Variants in CCDC170 observed in about 807,000 individuals in gnomAD.
CCDC170 encodes coiled-coil domain-containing protein 170.
A neutral mutation model predicts 72.6 loss-of-function variants in CCDC170; 69 were observed. The observed-to-expected ratio is 0.95, with a 90% CI of 0.78 to 1.16. The LOEUF (loss-of-function observed/expected upper bound fraction) is 1.16, where lower values mean the gene tolerates loss of function less well. CCDC170 is among the 50% of genes most tolerant of loss of function. CCDC170 has a pLI of 0.00. For synonymous variants in CCDC170, 300 were observed against 303.9 expected, an observed-to-expected ratio of 0.99 and a Z score of 0.13; for missense variants, 852 against 832.5, an observed-to-expected ratio of 1.02 and a Z score of -0.29.
At chr6:151,507,496 C>T (rs1782081830) in intron 1 of CCDC170, among the ~76,000 whole-genome samples, 1 of 151,990 alleles carries the variant, frequency 6.6e-6, no homozygotes, top group African/African-American at 2.4e-5. Flanking sequence ...CTAATGCAGT[C>T]ACAAAAAATT....
At chr6:151,498,085 A>G (rs1160582447) in intron 1 of CCDC170, among the ~76,000 whole-genome samples, 2 of 152,182 alleles carry the variant, frequency 1.3e-5, no homozygotes, top group Non-Finnish European at 2.9e-5. Flanking sequence ...GAGAAGCCAC[A>G]GACATATGGT....
intron 1 of CCDC170, among the ~76,000 whole-genome samples, chr6:151,529,919 A>G (rs993853342): frequency 6.6e-6 from 1 of 151,774 alleles, no homozygotes; most frequent in African/African-American, 2.4e-5. Context: ...GGAAGGGTAG[A>G]AGGGCCAGAA....
chr6:151,503,437 T>A (rs571285791), intron 1 of CCDC170, among the ~76,000 whole-genome samples: 1 of 151,950 alleles, frequency 6.6e-6, no homozygotes, highest in East Asian at 1.9e-4. Flanking sequence ...ATGAGCTTGA[T>A]GTGTTTATTT....
chr6:151,548,214 A>G (rs1244557209), intron 4 of CCDC170, 90 bp from the exon 5 acceptor site: 4 of 1,115,436 alleles, frequency 3.6e-6, no homozygotes, highest in Non-Finnish European at 3.6e-6. Flanking sequence ...CATTTTTCAT[A>G]TGATAATGCA....
At chr6:151,612,195 T>C (rs916009416) in intron 9 of CCDC170, among the ~76,000 whole-genome samples, 2 of 152,192 alleles carry the variant, frequency 1.3e-5, no homozygotes, top group Non-Finnish European at 2.9e-5. Flanking sequence ...TCAGACTTTC[T>C]AGTGGGATAG....
intron 1 of CCDC170, among the ~76,000 whole-genome samples, chr6:151,506,856 A>G (rs1002736969): frequency 2.6e-5 from 4 of 152,182 alleles, no homozygotes; most frequent in South Asian, 2.1e-4. Flanking sequence ...TTTCCCAAGG[A>G]ACAGAGAATT....
chr6:151,591,844 A>G lies in CCDC170; in HGVS notation c.1294-1263A>G, dbSNP rs1776541069. On this transcript the variant is annotated intron_variant, in intron 7 of 10. Transcript: ENST00000239374. ...TTTTCTAAAATATCTTAATTAATAAAAAAGACCCCAAAATGTTGTTCGAAA... is the reference window on the plus strand; with the variant it reads ...TTTTCTAAAATATCTTAATTAATAAGAAAGACCCCAAAATGTTGTTCGAAA... Among the ~76,000 whole-genome samples, 2 of 152,106 alleles carry G rather than the reference A, an allele frequency of 1.3e-5. 1 individual carries two copies. Among genetic ancestry groups the G allele is most frequent in the South Asian group, 4.1e-4 (2 of 4,826 alleles).
intron 3 of CCDC170, 27 bp downstream of exon 3, chr6:151,538,328 C>T: frequency 6.3e-7 from 1 of 1,589,556 alleles, no homozygotes; most frequent in Non-Finnish European, 8.6e-7. Flanking sequence ...ATATTTTTCG[C>T]TTTAGCTAGC....
chr6:151,578,977 A>T (rs1054258140), intron 6 of CCDC170, among the ~76,000 whole-genome samples: 2 of 152,132 alleles, frequency 1.3e-5, no homozygotes, highest in Non-Finnish European at 2.9e-5. Flanking sequence ...TTAGGGCATT[A>T]TGACTTTACT....
intron 9 of CCDC170, among the ~76,000 whole-genome samples, chr6:151,602,594 T>C (rs953314902): frequency 1.3e-5 from 2 of 152,108 alleles, no homozygotes; most frequent in Non-Finnish European, 2.9e-5. Context: ...GTTCTCATGA[T>C]AGTGAGTTCT....
At chr6:151,506,655 C>T (rs1782070761) in intron 1 of CCDC170, among the ~76,000 whole-genome samples, 1 of 152,198 alleles carries the variant, frequency 6.6e-6, no homozygotes, top group Non-Finnish European at 1.5e-5. Flanking sequence ...TAAGACCACA[C>T]TCTTTTGGAA....
chr6:151,604,330 C>T (rs1408896775), intron 9 of CCDC170, among the ~76,000 whole-genome samples: 3 of 152,118 alleles, frequency 2.0e-5, no homozygotes, highest in African/African-American at 7.2e-5. Context: ...TCTGGGACTG[C>T]TTTGAGCTTT....
chr6:151,536,204 A>C, intron 1 of CCDC170, 114 bp from the exon 2 acceptor site: 1 of 1,208,788 alleles, frequency 8.3e-7, no homozygotes, highest in Non-Finnish European at 1.2e-6. Context: ...AGCATGTTTG[A>C]CATATTTGGA....
chr6:151,598,727 G>A (rs528378527), intron 9 of CCDC170, among the ~76,000 whole-genome samples: 3 of 152,312 alleles, frequency 2.0e-5, no homozygotes, highest in Non-Finnish European at 2.9e-5. Flanking sequence ...AGATGGCATT[G>A]TATGAATAAA....
At chr6:151,580,783 A>G (rs1399513815) in intron 6 of CCDC170, among the ~76,000 whole-genome samples, 8 of 152,162 alleles carry the variant, frequency 5.3e-5, no homozygotes, top group Admixed American at 5.2e-4. Flanking sequence ...CTCATGTAGC[A>G]CTTCAATCTG....
At chr6:151,495,928 C>A (rs1781902757) in intron 1 of CCDC170, among the ~76,000 whole-genome samples, 1 of 152,160 alleles carries the variant, frequency 6.6e-6, no homozygotes, top group Admixed American at 6.5e-5. Flanking sequence ...TATACACGAC[C>A]TACTAAAACT....
chr6:151,536,747 C>A (rs1027536660), intron 2 of CCDC170, among the ~76,000 whole-genome samples: 3 of 130,078 alleles, frequency 2.3e-5, no homozygotes, highest in Admixed American at 9.2e-5. Context: ...TGCACTCCAG[C>A]CTGGTGACAG....
At chr6:151,566,543 A>T (rs1208044891) in intron 5 of CCDC170, among the ~76,000 whole-genome samples, 1 of 152,212 alleles carries the variant, frequency 6.6e-6, no homozygotes, top group East Asian at 1.9e-4. Context: ...TTAATAAGAT[A>T]CACCAAGCAC....
At chr6:151,586,390 CAG>C (rs1159322339) in intron 7 of CCDC170, among the ~76,000 whole-genome samples, 1 of 152,134 alleles carries the variant, frequency 6.6e-6, no homozygotes, top group Non-Finnish European at 1.5e-5. Context: ...GACAGATACT[CAG>C]ATAATTTGCT....
Sources: allele counts gnomAD v4.1 joint callset (sites outside exome capture counted in the v4.1 genomes callset), GRCh38; gene constraint gnomAD v4.1.1; transcripts MANE v1.5; gene names NCBI Gene and HGNC (gene_info 2026-07-23, HGNC 2026-07-21).